Variants in DEFB127 observed in about 807,000 individuals in gnomAD.
DEFB127 encodes the protein defensin beta 127.
DEFB127 carries 2 observed loss-of-function variants against 2.4 expected under a neutral mutation model. That is an observed-to-expected ratio of 0.82 (90% CI 0.34 to 2.58). The LOEUF is 2.58. Among genes scored for constraint, DEFB127 ranks in the 30% most tolerant of loss-of-function variants. The pLI is 0.11. For missense variants in DEFB127, 110 were observed against 113.2 expected (o/e 0.97, Z 0.13); for synonymous variants, 37 against 39.8 (o/e 0.93, Z 0.26).
rs1355702013 is a variant in DEFB127 at position 158,807 on chromosome 20, A to G, written c.83A>G (p.Tyr28Cys). The G allele has an allele frequency of 7.4e-6, 12 of 1,613,194 alleles. No homozygotes were observed. The East Asian group carries it at 1.1e-4, about 15-fold the overall frequency. The part of the protein sequence containing the change: ...TEQLKKCWNN[Y>C]VQGHCRKICR... ...CAACTTAAGAAGTGCTGGAATAACT[A>G]TGTACAAGGACATTGCAGGAAAATC... Residue 28 changes from tyrosine to cysteine, a missense_variant, in exon 2 of 2, where the codon TAT (tyrosine) becomes TGT (cysteine). Tyr to Cys is a radical substitution (Grantham distance 194). Transcript: ENST00000382388.
chr20:158,383 G>A (rs1265642048), intron 1 of DEFB127, among the ~76,000 whole-genome samples: 1 of 152,124 alleles, frequency 6.6e-6, no homozygotes, highest in East Asian at 1.9e-4. Context: ...ATTGTTCTCT[G>A]GGCATCAGAG....
At chr20:157,716 A>G in intron 1 of DEFB127, 123 bp downstream of exon 1, 1 of 1,033,288 alleles carries the variant, frequency 9.7e-7, no homozygotes, top group Non-Finnish European at 1.4e-6. Flanking sequence ...AAGTTTATCC[A>G]ACATCATCAG....
chr20:158,688 C>T lies in DEFB127; in HGVS notation c.50-86C>T. The T allele has an allele frequency of 1.1e-5, 15 of 1,409,794 alleles. No individual in the cohort carries two copies. In the South Asian group the frequency reaches 2.1e-4, roughly 20 times the overall value. The allele number at this position is 1,409,794 out of a possible 1,614,324, so 87.3% of individuals were successfully genotyped here. A position where few individuals can be genotyped will look rare whatever the true frequency, so the allele number is the denominator to read the frequency against. On this transcript the variant is annotated intron_variant, in intron 1 of 1. Coordinates refer to ENST00000382388, the MANE Select transcript of DEFB127 (RefSeq NM_139074.4). ...TGTGGATACCCCATACCCCTAATTC[C>T]TACAAGCCTCCTCTGTCTTCCCCAA...
In DEFB127 at chr20:159,157, G is replaced by A; in HGVS notation, c.*133G>A. 9.6e-7 allele frequency: 1 copy of A among 1,037,580 alleles called. No homozygotes were observed. The highest frequency in any genetic ancestry group is 1.4e-6 in the Non-Finnish European group (1 of 734,804). The allele number at this position is 1,037,580 out of a possible 1,614,324, so 64.3% of individuals were successfully genotyped here. ...CGAGCATATTCTAATAAAGTGCATT[G>A]CCAGTTTTCTGTCTCATTTTGTTCT... On this transcript the variant is annotated 3_prime_UTR_variant, in exon 2 of 2. Coordinates refer to ENST00000382388, the MANE Select transcript of DEFB127 (RefSeq NM_139074.4).
intron 1 of DEFB127, 113 bp downstream of exon 1, chr20:157,706 A>T: frequency 3.5e-6 from 4 of 1,138,202 alleles, no homozygotes; most frequent in Non-Finnish European, 5.2e-6. Context: ...AAGATGGCTA[A>T]AGTTTATCCA....
At position 157,582 on chromosome 20, in the gene DEFB127, A is replaced by G. The variant is rs998156722; in HGVS notation, c.38A>G (p.Gln13Arg). The G allele has an allele frequency of 1.2e-6, 2 of 1,613,852 alleles. No homozygotes were observed. Among genetic ancestry groups the G allele is most frequent in the South Asian group, 1.1e-5 (1 of 91,084 alleles). ...ATGATCATTGCAATTCTGCTGTTCC[A>G]GAAACCCACAGGTAAACCAAACCAG... ...LFMIIAILLFQKPTVTEQLKK... is the reference protein window; with the variant it reads ...LFMIIAILLFRKPTVTEQLKK... Residue 13 changes from glutamine to arginine, a missense_variant, in exon 1 of 2, where the codon CAG becomes CGG. Physicochemically the swap from Gln to Arg is conservative, Grantham distance 43. Transcript: ENST00000382388.
chr20:158,357 C>G (rs2054711354), intron 1 of DEFB127, among the ~76,000 whole-genome samples: 2 of 152,120 alleles, frequency 1.3e-5, no homozygotes, highest in African/African-American at 2.4e-5. Context: ...CAGACATAAA[C>G]ACATAGTAAC....
intron 1 of DEFB127, among the ~76,000 whole-genome samples, chr20:157,937 G>A (rs201482454): frequency 8.1e-5 from 2 of 24,736 alleles, no homozygotes; most frequent in African/African-American, 1.3e-4. Context: ...ATATATGTGT[G>A]TGTGTGTGTG....
chr20:157,470 C>T lies in DEFB127; in HGVS notation c.-75C>T. 3 of 1,509,462 alleles carry T rather than the reference C, an allele frequency of 2.0e-6. No individual in the cohort carries two copies. The highest frequency in any genetic ancestry group is 2.8e-6 in the Non-Finnish European group (3 of 1,086,214). The allele number at this position is 1,509,462 out of a possible 1,614,324, so 93.5% of individuals were successfully genotyped here. A position where few individuals can be genotyped will look rare whatever the true frequency, so the allele number is the denominator to read the frequency against. Reference sequence around the variant, plus strand: ...TGGTTCAGTGCATAAGAATCTAAGTCTCTGAGGAAGGTAGCATAGTGTGCA... The same window carrying T: ...TGGTTCAGTGCATAAGAATCTAAGTTTCTGAGGAAGGTAGCATAGTGTGCA... On this transcript the variant is annotated 5_prime_UTR_variant, in exon 1 of 2. Coordinates refer to ENST00000382388, the MANE Select transcript of DEFB127 (RefSeq NM_139074.4).
chr20:159,041 T>C lies in DEFB127; in HGVS notation c.*17T>C, dbSNP rs1455946872. On this transcript the variant is annotated 3_prime_UTR_variant, in exon 2 of 2. Coordinates refer to ENST00000382388, the MANE Select transcript of DEFB127 (RefSeq NM_139074.4). ...TCTACATAAATCAAATACAATTTCGTTTTCACTTGCTTCTCAACCTAGTCT... is the reference window on the plus strand; with the variant it reads ...TCTACATAAATCAAATACAATTTCGCTTTCACTTGCTTCTCAACCTAGTCT... 3 of 1,584,862 alleles carry C rather than the reference T, an allele frequency of 1.9e-6. No homozygotes were observed. The African/African-American group carries it at 4.1e-5, about 22-fold the overall frequency.
Position 159,131 on chromosome 20 carries a change from T to A in DEFB127, c.*107T>A. 7.8e-7 allele frequency: 1 copy of A among 1,278,458 alleles called. No homozygotes were observed. The highest frequency in any genetic ancestry group is 1.1e-6 in the Non-Finnish European group (1 of 941,254). 79.2% of individuals were successfully genotyped at this position (1,278,458 alleles called of 1,614,324 possible). On this transcript the variant is annotated 3_prime_UTR_variant, in exon 2 of 2. Transcript: ENST00000382388. ...GGTTTCTTGATCCTTAAAATGACCT[T>A]CGAGCATATTCTAATAAAGTGCATT...
intron 1 of DEFB127, 96 bp from the exon 2 acceptor site, chr20:158,678 C>T (rs1177303216): frequency 1.6e-6 from 2 of 1,272,236 alleles, no homozygotes; most frequent in South Asian, 1.5e-5. Flanking sequence ...ATACCCCATA[C>T]CCCTAATTCC....
In DEFB127 at chr20:158,762, T is replaced by G; in HGVS notation, c.50-12T>G. Reference sequence around the variant, plus strand: ...ACACTGATATTGTTCTATTGCTCCTTTCTGTGTATAGTAACCGAACAACTT... The same window carrying G: ...ACACTGATATTGTTCTATTGCTCCTGTCTGTGTATAGTAACCGAACAACTT... On this transcript the variant is annotated splice_polypyrimidine_tract_variant and intron_variant, in intron 1 of 1. Coordinates refer to ENST00000382388, the MANE Select transcript of DEFB127 (RefSeq NM_139074.4). The G allele has an allele frequency of 1.2e-6, 2 of 1,602,424 alleles. No individual in the cohort carries two copies. Among genetic ancestry groups the G allele is most frequent in the Non-Finnish European group, 1.7e-6 (2 of 1,174,780 alleles).
rs959491292 is a variant in DEFB127 at position 159,150 on chromosome 20, G to A, written c.*126G>A. 5 of 1,090,724 alleles carry A rather than the reference G, an allele frequency of 4.6e-6. No homozygotes were observed. The African/African-American group carries it at 4.8e-5, about 10-fold the overall frequency. 67.6% of individuals were successfully genotyped at this position (1,090,724 alleles called of 1,614,324 possible). ...TGACCTTCGAGCATATTCTAATAAAGTGCATTGCCAGTTTTCTGTCTCATT... is the reference window on the plus strand; with the variant it reads ...TGACCTTCGAGCATATTCTAATAAAATGCATTGCCAGTTTTCTGTCTCATT... On this transcript the variant is annotated 3_prime_UTR_variant, in exon 2 of 2. Coordinates refer to ENST00000382388, the MANE Select transcript of DEFB127 (RefSeq NM_139074.4).
In DEFB127 at chr20:158,843, A is replaced by G; in HGVS notation, c.119A>G (p.Asn40Ser). The change falls in exon 2 of 2, where the codon AAT becomes AGT. Residue 40 changes from asparagine (N) to serine (S), a missense_variant. Coordinates refer to ENST00000382388, the MANE Select transcript of DEFB127 (RefSeq NM_139074.4). ...QGHCRKICRVNEVPEALCENG... is the reference protein window; with the variant it reads ...QGHCRKICRVSEVPEALCENG... ...CATTGCAGGAAAATCTGCAGAGTAA[A>G]TGAAGTGCCTGAGGCACTATGTGAA... 3 of 1,613,742 alleles carry G rather than the reference A, an allele frequency of 1.9e-6. No individual in the cohort carries two copies. Among genetic ancestry groups the G allele is most frequent in the Admixed American group, 3.3e-5 (2 of 59,926 alleles).
At position 158,916 on chromosome 20, in the gene DEFB127, A is replaced by G. The variant is rs1310639890; in HGVS notation, c.192A>G (p.Lys64=). The change falls in exon 2 of 2, where the codon AAA becomes AAG. Residue 64 remains lysine (K), a synonymous_variant. Coordinates refer to ENST00000382388, the MANE Select transcript of DEFB127 (RefSeq NM_139074.4). ...CLNIKELEAC[K]KITKPPRPKP... ...ATATCAAGGAACTGGAAGCATGTAA[A>G]AAAATTACAAAGCCACCTCGTCCAA... The G allele has an allele frequency of 1.2e-6, 2 of 1,613,794 alleles. No homozygotes were observed. The highest frequency in any genetic ancestry group is 1.1e-5 in the South Asian group (1 of 91,068).
At position 158,787 on chromosome 20, in the gene DEFB127, TAAG is replaced by T; in HGVS notation, c.67_69del (p.Lys23del). On this transcript the variant is annotated inframe_deletion, in exon 2 of 2. Coordinates refer to ENST00000382388, the MANE Select transcript of DEFB127 (RefSeq NM_139074.4). The stretch of plus-strand genomic sequence containing the variant: ...TTCTGTGTATAGTAACCGAACAACT[TAAG>T]AAGTGCTGGAATAACTATGTACAAG... The T allele has an allele frequency of 6.2e-7, 1 of 1,612,018 alleles. No homozygotes were observed.
At chr20:157,616 T>G in intron 1 of DEFB127, 23 bp downstream of exon 1, 1 of 1,613,574 alleles carries the variant, frequency 6.2e-7, no homozygotes, top group Non-Finnish European at 8.5e-7. Flanking sequence ...AGAAGCTCAC[T>G]CAAATCAACA....
chr20:158,701 C>CTG, intron 1 of DEFB127, 73 bp from the exon 2 acceptor site: 1 of 1,486,264 alleles, frequency 6.7e-7, no homozygotes, highest in Non-Finnish European at 9.1e-7. Flanking sequence ...CAAGCCTCCT[C>CTG]TGTCTTCCCC....
Sources: gnomAD v4.1 joint callset for allele counts (sites outside exome capture counted in the v4.1 genomes callset) on GRCh38, gnomAD v4.1.1 for gene constraint, MANE v1.5 for transcripts, NCBI Gene and HGNC (gene_info 2026-07-23, HGNC 2026-07-21) for gene names.